The following HHLA2 variants were observed in gnomAD, a reference collection of about 807,000 sequenced individuals.
The protein encoded by HHLA2 is HERV-H LTR-associating protein 2.
Under a neutral mutation model 45.9 loss-of-function variants are expected in HHLA2, and 48 were observed. The observed-to-expected ratio is 1.05, with a 90% CI of 0.83 to 1.33. HHLA2 has a LOEUF of 1.33. HHLA2 is among the 40% of genes most tolerant of loss of function. The pLI is 0.00. For missense variants in HHLA2, 462 were observed against 494.3 expected (o/e 0.93, Z 0.62); for synonymous variants, 161 against 173.9 (o/e 0.93, Z 0.59).
intron 8 of HHLA2, among the ~76,000 whole-genome samples, chr3:108,371,980 C>T (rs2107511364): frequency 6.6e-6 from 1 of 152,220 alleles, no homozygotes; most frequent in East Asian, 1.9e-4. Context: ...GTGGACCTAA[C>T]AGACATCTAC....
intron 7 of HHLA2, 140 bp from the exon 7 acceptor site, chr3:108,362,202 G>T: frequency 1.6e-6 from 1 of 632,566 alleles, no homozygotes; most frequent in Middle Eastern, 3.2e-4. Context: ...GTTTTCATAT[G>T]AATTCAGCCT....
chr3:108,362,468 T>C (rs763821310), intron 8 of HHLA2, 22 bp downstream of exon 7: 1 of 1,473,778 alleles, frequency 6.8e-7, no homozygotes, highest in Non-Finnish European at 9.4e-7. Flanking sequence ...ATTTGGGCTC[T>C]GCCCCACGTG....
At chr3:108,369,927 A>C (rs2082137648) in intron 8 of HHLA2, among the ~76,000 whole-genome samples, 1 of 152,184 alleles carries the variant, frequency 6.6e-6, no homozygotes, top group African/African-American at 2.4e-5. Flanking sequence ...ACCTCTGCAG[A>C]CTTAAATGTC....
intron 8 of HHLA2, among the ~76,000 whole-genome samples, chr3:108,371,661 G>A (rs142292571): frequency 0.013 from 1,979 of 152,232 alleles, 21 homozygotes; most frequent in Middle Eastern, 0.044. Context: ...ACAAAAAAAT[G>A]CAGGAGTTGC....
chr3:108,302,212 T>C (rs576715619), intron 1 of HHLA2, among the ~76,000 whole-genome samples: 1 of 152,208 alleles, frequency 6.6e-6, no homozygotes, highest in East Asian at 1.9e-4. Flanking sequence ...AAAGAGAAAA[T>C]ACCTGATTTC....
chr3:108,376,579 C>T (rs2107523736), intron 10 of HHLA2, 22 bp downstream of exon 9: 7 of 1,600,806 alleles, frequency 4.4e-6, no homozygotes, highest in South Asian at 2.2e-5. Context: ...TTTCCTTTAT[C>T]AAACCATATA....
At chr3:108,366,610 G>A (rs1476844246) in intron 8 of HHLA2, among the ~76,000 whole-genome samples, 1 of 152,110 alleles carries the variant, frequency 6.6e-6, no homozygotes, top group Non-Finnish European at 1.5e-5. Flanking sequence ...CTGGTCCTGG[G>A]CTTTTTTGGC....
intron 3 of HHLA2, among the ~76,000 whole-genome samples, chr3:108,347,055 C>T (rs140368659): frequency 5.6e-4 from 86 of 152,220 alleles, no homozygotes; most frequent in African/African-American, 2.0e-3. Flanking sequence ...CACATTTGGG[C>T]CCTTTTGTAA....
At chr3:108,338,270 A>G (rs2081508687) in intron 3 of HHLA2, among the ~76,000 whole-genome samples, 1 of 151,966 alleles carries the variant, frequency 6.6e-6, no homozygotes, top group Non-Finnish European at 1.5e-5. Context: ...ATATATTTGA[A>G]TATTATTGAA....
chr3:108,374,549 A>G (rs2082238666), intron 8 of HHLA2, among the ~76,000 whole-genome samples: 1 of 151,352 alleles, frequency 6.6e-6, no homozygotes, highest in Non-Finnish European at 1.5e-5. Flanking sequence ...GGCAACCTAC[A>G]GAATGGGAGA....
At chr3:108,308,262 G>A (rs1265913793) in intron 1 of HHLA2, among the ~76,000 whole-genome samples, 4 of 152,112 alleles carry the variant, frequency 2.6e-5, no homozygotes, top group Non-Finnish European at 4.4e-5. Context: ...AACATGTGAC[G>A]TTTGTCTTTC....
intron 2 of HHLA2, among the ~76,000 whole-genome samples, chr3:108,327,744 G>T (rs1023124737): frequency 2.0e-5 from 3 of 152,162 alleles, no homozygotes; most frequent in Non-Finnish European, 4.4e-5. Context: ...ACTAACATCT[G>T]AAGTGCATGC....
intron 8 of HHLA2, among the ~76,000 whole-genome samples, chr3:108,369,533 C>T (rs371196204): frequency 6.6e-6 from 1 of 152,182 alleles, no homozygotes; most frequent in South Asian, 2.1e-4. Flanking sequence ...ACCCAGGAAG[C>T]ACAAGGGGTC....
rs564315413 is a variant in HHLA2 at position 108,350,753 on chromosome 3, C to G, written c.-26-1035C>G. Among the ~76,000 whole-genome samples the G allele has an allele frequency of 2.0e-5, 3 of 152,202 alleles. No homozygotes were observed. In the East Asian group the frequency reaches 5.8e-4, roughly 29 times the overall value. Reference sequence around the variant, plus strand: ...AGGCTGGAGTGCAGTGGTACAATCTCGCCTCACTGCAACCTCCACCTCCCT... The same window carrying G: ...AGGCTGGAGTGCAGTGGTACAATCTGGCCTCACTGCAACCTCCACCTCCCT... On this transcript the variant is annotated intron_variant, in intron 3 of 10. Transcript: ENST00000619531.
chr3:108,360,571 A>G (rs942006509), intron 7 of HHLA2, among the ~76,000 whole-genome samples: 5 of 152,236 alleles, frequency 3.3e-5, no homozygotes, highest in African/African-American at 1.2e-4. Flanking sequence ...ATACCATGAC[A>G]GTCAGTCTGA....
intron 7 of HHLA2, among the ~76,000 whole-genome samples, chr3:108,358,389 T>C (rs1259124920): frequency 6.6e-6 from 1 of 152,202 alleles, no homozygotes; most frequent in Non-Finnish European, 1.5e-5. Context: ...TTCAGGATTT[T>C]GGGGCTTCAG....
At chr3:108,321,091 T>TAAAAAAAAAAAAAAA (rs67374827) in intron 2 of HHLA2, among the ~76,000 whole-genome samples, 5 of 101,428 alleles carry the variant, frequency 4.9e-5, no homozygotes, top group African/African-American at 7.2e-5. Context: ...TCCAGGTGTT[T>TAAAAAAAAAAAAAAA]AAAAAAAAAA....
chr3:108,363,972 CTTCT>C (rs869105450), intron 8 of HHLA2, among the ~76,000 whole-genome samples: 5 of 147,826 alleles, frequency 3.4e-5, no homozygotes, highest in South Asian at 2.1e-4. Context: ...GAGTGACTTA[CTTCT>C]TTTTTTTTTT....
chr3:108,352,295 T>C (rs2081793589), intron 4 of HHLA2, among the ~76,000 whole-genome samples: 1 of 152,204 alleles, frequency 6.6e-6, no homozygotes, highest in Non-Finnish European at 1.5e-5. Flanking sequence ...AGTCACTCTT[T>C]TCCTTTCCCA....
Sources: gnomAD v4.1 joint callset for allele counts (sites outside exome capture counted in the v4.1 genomes callset) on GRCh38, gnomAD v4.1.1 for gene constraint, MANE v1.5 for transcripts, NCBI Gene and HGNC (gene_info 2026-07-23, HGNC 2026-07-21) for gene names.